HIVEP2: variants seen among roughly 807,000 people sequenced by gnomAD.
HIVEP2 encodes the protein HIVEP zinc finger 2, also known as transcription factor HIVEP2.
In HIVEP2, 14 loss-of-function variants were observed where a neutral mutation model predicts 180.7. The observed-to-expected ratio is 0.08, with a 90% confidence interval of 0.05 to 0.12. The LOEUF is 0.12. Ranked by LOEUF, HIVEP2 falls within the 10% of genes least tolerant of loss-of-function variation. HIVEP2 has a pLI of 1.00. For missense variants in HIVEP2, 2,579 were observed against 3,008.5 expected (o/e 0.86, Z 3.34); for synonymous variants, 1,184 against 1,136.4 (o/e 1.04, Z -0.84).
chr6:142,910,985 C>T (rs1243960973), intron 1 of HIVEP2, among the ~76,000 whole-genome samples: 1 of 152,106 alleles, frequency 6.6e-6, no homozygotes, highest in Non-Finnish European at 1.5e-5. Flanking sequence ...CTCAAGTCCT[C>T]TATTTTACTA....
At chr6:142,935,935 G>A (rs1201227028) in intron 1 of HIVEP2, among the ~76,000 whole-genome samples, 2 of 151,994 alleles carry the variant, frequency 1.3e-5, no homozygotes, top group East Asian at 2.0e-4. Flanking sequence ...GCTTATAAAT[G>A]CATTTAACAA....
chr6:142,771,885 C>T lies in HIVEP2; in HGVS notation c.2854G>A (p.Gly952Arg). Reference sequence around the variant, plus strand: ...CCTGTGGATTCAAAGCTGGACTCCCCTGAGGAGTGCTCCATATCTGCAAGT... The same window carrying T: ...CCTGTGGATTCAAAGCTGGACTCCCTTGAGGAGTGCTCCATATCTGCAAGT... ...LRLADMEHSSGESSFESTGTG... is the reference protein window; with the variant it reads ...LRLADMEHSSRESSFESTGTG... The change falls in exon 5 of 10, where the codon GGG becomes AGG. Residue 952 changes from glycine (G) to arginine (R), a missense_variant. By Grantham distance (125) the Gly-to-Arg change is moderately radical. Around this residue, in one of 11 missense-constraint regions of HIVEP2, gnomAD observed 51 missense variants for 102.8 expected, o/e 0.50. Transcript: ENST00000367603. The surrounding 1 kb of genome is among the most constrained non-coding windows in gnomAD (Gnocchi z 5.4). The T allele has an allele frequency of 1.9e-6, 3 of 1,614,200 alleles. No individual in the cohort carries two copies. The highest frequency in any genetic ancestry group is 2.5e-6 in the Non-Finnish European group (3 of 1,180,036).
Position 142,753,446 on chromosome 6 carries a change from G to C in HIVEP2, c.7002C>G (p.Ala2334=). 6.2e-7 allele frequency: 1 copy of C among 1,614,024 alleles called. No homozygotes were observed. Among genetic ancestry groups the C allele is most frequent in the African/African-American group, 1.3e-5 (1 of 75,060 alleles). The change falls in exon 10 of 10, where the codon GCC becomes GCG. Residue 2334 remains alanine (A), a synonymous_variant. Coordinates refer to ENST00000367603, the MANE Select transcript of HIVEP2 (RefSeq NM_006734.4). ...ENIQTCTKAI[A]SLRIATEEAA... is the part of the protein sequence containing the mutation. ...CCTCTTCCGTGGCAATCCGGAGAGA[G>C]GCAATGGCTTTTGTACAAGTCTGTA...
chr6:142,776,689 A>G (rs1775709587), intron 3 of HIVEP2, among the ~76,000 whole-genome samples: 1 of 151,912 alleles, frequency 6.6e-6, no homozygotes, highest in Admixed American at 6.6e-5. Context: ...GCACCACTAC[A>G]TCCATCTAAT....
intron 2 of HIVEP2, among the ~76,000 whole-genome samples, chr6:142,812,479 A>G (rs530501990): frequency 2.6e-5 from 4 of 152,334 alleles, no homozygotes; most frequent in African/African-American, 9.6e-5. Context: ...ACATAAAAAG[A>G]TCATACTGTT....
At chr6:142,790,131 G>C (rs1353216439) in intron 2 of HIVEP2, among the ~76,000 whole-genome samples, 1 of 151,970 alleles carries the variant, frequency 6.6e-6, no homozygotes, top group African/African-American at 2.4e-5. Flanking sequence ...CTTCCTAAAA[G>C]CAAAGATAGC....
At chr6:142,867,815 T>C (rs1776179006) in intron 1 of HIVEP2, among the ~76,000 whole-genome samples, 1 of 152,224 alleles carries the variant, frequency 6.6e-6, no homozygotes, top group Admixed American at 6.6e-5. Context: ...TTGGTTGCTA[T>C]CCTAGTGGTT....
At position 142,764,836 on chromosome 6, in the gene HIVEP2, A is replaced by G; in HGVS notation, c.5481T>C (p.Tyr1827=). The part of the protein sequence containing the change: ...HIRTHTDVRP[Y]VCKLCNFAFK... Reference sequence around the variant, plus strand: ...AGGCAAAGTTACATAACTTGCATACATAAGGCCGAACATCAGTATGGGTAC... The same window carrying G: ...AGGCAAAGTTACATAACTTGCATACGTAAGGCCGAACATCAGTATGGGTAC... The change falls in exon 7 of 10, where the codon TAT becomes TAC. Residue 1827 remains tyrosine (Y), a synonymous_variant. Coordinates refer to ENST00000367603, the MANE Select transcript of HIVEP2 (RefSeq NM_006734.4). 5.0e-6 allele frequency: 8 copies of G among 1,613,954 alleles called. No individual in the cohort carries two copies. Among genetic ancestry groups the G allele is most frequent in the South Asian group, 1.1e-5 (1 of 91,046 alleles).
At chr6:142,793,629 T>TTTCCTTCTTTCC (rs60970953) in intron 2 of HIVEP2, among the ~76,000 whole-genome samples, 5 of 111,614 alleles carry the variant, frequency 4.5e-5, no homozygotes, top group Non-Finnish European at 9.2e-5. Context: ...CTTCTCTTTC[T>TTTCCTTCTTTCC]TTCTTTCTTT....
chr6:142,756,735 G>A (rs1316287487), intron 9 of HIVEP2, among the ~76,000 whole-genome samples: 3 of 150,572 alleles, frequency 2.0e-5, no homozygotes, highest in African/African-American at 4.9e-5. Flanking sequence ...CCTCAACCTC[G>A]AACCATGCGT....
intron 1 of HIVEP2, among the ~76,000 whole-genome samples, chr6:142,908,098 G>T (rs1230695065): frequency 6.6e-6 from 1 of 152,136 alleles, no homozygotes; most frequent in Non-Finnish European, 1.5e-5. Flanking sequence ...TCACAACATG[G>T]TCCAGGCCTT....
chr6:142,944,433 A>ACACC (rs1490815022), intron 1 of HIVEP2, among the ~76,000 whole-genome samples: 7 of 140,260 alleles, frequency 5.0e-5, no homozygotes, highest in Admixed American at 2.8e-4. Context: ...ACACCCACAC[A>ACACC]CACACACACA....
At chr6:142,767,165 C>T (rs1247529181) in intron 6 of HIVEP2, among the ~76,000 whole-genome samples, 1 of 152,178 alleles carries the variant, frequency 6.6e-6, no homozygotes, top group East Asian at 1.9e-4. Context: ...TCTCGCTAAT[C>T]TATTGGTGCA....
At chr6:142,944,347 C>A (rs1431037146) in intron 1 of HIVEP2, among the ~76,000 whole-genome samples, 2 of 140,768 alleles carry the variant, frequency 1.4e-5, no homozygotes, top group Non-Finnish European at 3.0e-5. Flanking sequence ...GGTAGCAGAG[C>A]GGATCTGGAG....
intron 1 of HIVEP2, among the ~76,000 whole-genome samples, chr6:142,893,243 T>C (rs1776905318): frequency 6.6e-6 from 1 of 152,190 alleles, no homozygotes; most frequent in Non-Finnish European, 1.5e-5. Flanking sequence ...CAGTAGTATC[T>C]ACATGATCAG....
intron 9 of HIVEP2, among the ~76,000 whole-genome samples, chr6:142,757,604 G>A (rs890183749): frequency 1.3e-5 from 2 of 152,178 alleles, no homozygotes; most frequent in Admixed American, 1.3e-4. Flanking sequence ...GTTGCAGTAA[G>A]CCAAGGTCGT....
chr6:142,760,095 T>C lies in HIVEP2; in HGVS notation c.6193A>G (p.Ile2065Val), dbSNP rs1775186217. 1 of 1,614,148 alleles carries C rather than the reference T, an allele frequency of 6.2e-7. No homozygotes were observed. The highest frequency in any genetic ancestry group is 1.3e-5 in the African/African-American group (1 of 75,054). ...CTGGGAGATAAATCTCCTTTGGGTA[T>C]CAGATACCTCTTTGGTGAATTATCT... ...CRDNSPKRYL[I>V]PKGDLSPRRH... Residue 2065 changes from isoleucine (I) to valine (V), a missense_variant, in exon 9 of 10, where the codon ATA becomes GTA. Transcript: ENST00000367603.
intron 1 of HIVEP2, among the ~76,000 whole-genome samples, chr6:142,930,606 T>G (rs1463169923): frequency 2.6e-5 from 4 of 152,192 alleles, no homozygotes; most frequent in Non-Finnish European, 5.9e-5. Context: ...CATCACCTCG[T>G]ACCTTTCGGG....
chr6:142,917,031 T>C (rs1367705830), intron 1 of HIVEP2, among the ~76,000 whole-genome samples: 1 of 152,246 alleles, frequency 6.6e-6, no homozygotes, highest in Non-Finnish European at 1.5e-5. Context: ...ATGTTAACTA[T>C]ATTTTAAATG....
Sources: gnomAD v4.1 joint callset for allele counts (sites outside exome capture counted in the v4.1 genomes callset) on GRCh38, gnomAD v4.1.1 for gene constraint, gnomAD v4.1.1 regional missense constraint, Gnocchi (gnomAD v3.1) non-coding constraint, MANE v1.5 for transcripts, NCBI Gene and HGNC (gene_info 2026-07-23, HGNC 2026-07-21) for gene names.